PLCB1: variants seen among roughly 807,000 people sequenced by gnomAD.
PLCB1 encodes the protein phospholipase C beta 1.
Under a neutral mutation model 161.8 loss-of-function variants are expected in PLCB1, and 46 were observed. That is an observed-to-expected ratio of 0.28 (90% CI 0.22 to 0.36). The LOEUF (loss-of-function observed/expected upper bound fraction) is 0.36, where lower values mean the gene tolerates loss of function less well. Ranked by LOEUF, PLCB1 falls within the 10% of genes least tolerant of loss-of-function variation. The probability of loss-of-function intolerance (pLI) is 1.00; values close to 1 mark genes in which losing one functional copy is unlikely to be tolerated. For synonymous variants in PLCB1, 517 were observed against 503.7 expected (o/e 1.03, Z -0.35); for missense variants, 1,016 against 1,472.5 (o/e 0.69, Z 5.07).
chr20:8,278,805 T>C (rs1343209926), intron 2 of PLCB1, among the ~76,000 whole-genome samples: 1 of 152,120 alleles, frequency 6.6e-6, no homozygotes, highest in East Asian at 1.9e-4. Context: ...ACGTGTGTTA[T>C]GGCTAAGCAA....
At chr20:8,302,285 G>T (rs1240935508) in intron 2 of PLCB1, among the ~76,000 whole-genome samples, 2 of 152,172 alleles carry the variant, frequency 1.3e-5, no homozygotes, top group Admixed American at 6.5e-5. Flanking sequence ...AGTAATGAAG[G>T]TTCTTAAACT....
chr20:8,815,014 G>T (rs1276258798), intron 31 of PLCB1, among the ~76,000 whole-genome samples: 1 of 152,106 alleles, frequency 6.6e-6, no homozygotes, highest in Non-Finnish European at 1.5e-5. Flanking sequence ...TAACCATACA[G>T]GTGTAATGTC....
chr20:8,212,948 A>G (rs1270555793), intron 2 of PLCB1, among the ~76,000 whole-genome samples: 1 of 152,058 alleles, frequency 6.6e-6, no homozygotes, highest in Non-Finnish European at 1.5e-5. Context: ...GCAAATCTGT[A>G]TGAAGGAAAA....
chr20:8,165,592 C>T (rs753010421), intron 2 of PLCB1, among the ~76,000 whole-genome samples: 2 of 152,144 alleles, frequency 1.3e-5, no homozygotes, highest in Admixed American at 1.3e-4. Flanking sequence ...GCCTTGAATT[C>T]GGGGACTTTA....
At chr20:8,279,714 T>C (rs1377784718) in intron 2 of PLCB1, among the ~76,000 whole-genome samples, 1 of 152,218 alleles carries the variant, frequency 6.6e-6, no homozygotes, top group East Asian at 1.9e-4. Flanking sequence ...ACAGGTTGAA[T>C]CTCTCAAATA....
chr20:8,733,976 CAATT>C (rs1980435334), intron 19 of PLCB1, among the ~76,000 whole-genome samples: 3 of 120,318 alleles, frequency 2.5e-5, no homozygotes, highest in South Asian at 2.7e-4. Flanking sequence ...CAAAAAAAAA[CAATT>C]AGCCGGGCGT....
chr20:8,583,005 A>G (rs982822683), intron 3 of PLCB1, among the ~76,000 whole-genome samples: 1 of 150,762 alleles, frequency 6.6e-6, no homozygotes, highest in Non-Finnish European at 1.5e-5. Context: ...AAAAAAAAAG[A>G]AAAGGAAAAT....
intron 3 of PLCB1, among the ~76,000 whole-genome samples, chr20:8,614,803 G>A (rs1254629908): frequency 6.6e-6 from 1 of 152,010 alleles, no homozygotes; most frequent in Non-Finnish European, 1.5e-5. Flanking sequence ...GCTCAGATTT[G>A]GAATAGTCCC....
At chr20:8,602,660 C>G (rs1987627878) in intron 3 of PLCB1, among the ~76,000 whole-genome samples, 1 of 152,188 alleles carries the variant, frequency 6.6e-6, no homozygotes, top group Non-Finnish European at 1.5e-5. Flanking sequence ...CTTAATTGTT[C>G]TCTTCTTGAG....
intron 2 of PLCB1, among the ~76,000 whole-genome samples, chr20:8,313,963 A>G (rs1031760411): frequency 6.6e-6 from 1 of 152,204 alleles, no homozygotes; most frequent in Non-Finnish European, 1.5e-5. Context: ...AGCTCCTTCA[A>G]GTAAGGAACC....
In PLCB1 at chr20:8,832,104, C is replaced by T. The variant is rs6118338; in HGVS notation, c.3423+41843C>T. Among the ~76,000 whole-genome samples the T allele has an allele frequency of 4.7e-3, 367 of 77,454 alleles. 34 individuals are homozygous for T. The highest frequency in any genetic ancestry group is 5.4e-3 in the African/African-American group (128 of 23,642). 50.8% of individuals were successfully genotyped at this position (77,454 alleles called of 152,430 possible). On this transcript the variant is annotated intron_variant, in intron 31 of 31. Coordinates refer to ENST00000338037, the MANE Select transcript of PLCB1 (RefSeq NM_015192.4). ...TTTCAGAGTTTTTAATGCCAGAATC[C>T]GACTTATGAATTCACTCAGTAGATA...
intron 31 of PLCB1, among the ~76,000 whole-genome samples, chr20:8,866,188 G>T (rs6086669): frequency 0.3 from 45,604 of 152,146 alleles, 7,765 homozygotes; most frequent in East Asian, 0.65. Context: ...ACGTGACGAA[G>T]AAGGAAATGG....
chr20:8,161,777 A>G (rs1336493110), intron 2 of PLCB1, among the ~76,000 whole-genome samples: 1 of 150,056 alleles, frequency 6.7e-6, no homozygotes, highest in Admixed American at 6.6e-5. Flanking sequence ...TGGTCAGAAC[A>G]TTGGACTTTT....
At chr20:8,406,288 T>G (rs779017870) in intron 3 of PLCB1, among the ~76,000 whole-genome samples, 5 of 152,208 alleles carry the variant, frequency 3.3e-5, no homozygotes, top group Non-Finnish European at 7.4e-5. Context: ...TTAGTAAACT[T>G]TACTGGATGT....
chr20:8,666,647 C>T (rs1200351914), intron 9 of PLCB1, among the ~76,000 whole-genome samples: 1 of 152,188 alleles, frequency 6.6e-6, no homozygotes, highest in African/African-American at 2.4e-5. Flanking sequence ...TGTCCCGCTA[C>T]TCCAGACATC....
At chr20:8,248,166 C>T (rs551437083) in intron 2 of PLCB1, among the ~76,000 whole-genome samples, 1 of 152,012 alleles carries the variant, frequency 6.6e-6, no homozygotes, top group South Asian at 2.1e-4. Flanking sequence ...GTTCCAGCCT[C>T]TTCATGACCT....
At chr20:8,435,683 A>C (rs1352105142) in intron 3 of PLCB1, among the ~76,000 whole-genome samples, 1 of 152,140 alleles carries the variant, frequency 6.6e-6, no homozygotes, top group Non-Finnish European at 1.5e-5. Context: ...TTGGAAGTGG[A>C]TTATTCCCCA....
At chr20:8,503,128 A>G (rs1161279886) in intron 3 of PLCB1, among the ~76,000 whole-genome samples, 1 of 152,194 alleles carries the variant, frequency 6.6e-6, no homozygotes, top group Non-Finnish European at 1.5e-5. Flanking sequence ...AGTTAATAGA[A>G]GGGAAGACAC....
intron 2 of PLCB1, among the ~76,000 whole-genome samples, chr20:8,316,209 A>T (rs942813191): frequency 1.1e-4 from 17 of 152,194 alleles, no homozygotes; most frequent in Non-Finnish European, 2.5e-4. Context: ...CTGGGGGAAG[A>T]TGTTATTTCT....
Sources: allele counts gnomAD v4.1 joint callset (sites outside exome capture counted in the v4.1 genomes callset), GRCh38; gene constraint gnomAD v4.1.1; transcripts MANE v1.5; gene names NCBI Gene and HGNC (gene_info 2026-07-23, HGNC 2026-07-21).